PTPN2: variants seen among roughly 807,000 people sequenced by gnomAD.
The protein encoded by PTPN2 is protein tyrosine phosphatase non-receptor type 2.
In PTPN2, 19 loss-of-function variants were observed where a neutral mutation model predicts 57.3. That is an observed-to-expected ratio of 0.33 (90% CI 0.23 to 0.49). PTPN2 has a LOEUF of 0.49. Ranked by LOEUF, PTPN2 falls within the 20% of genes least tolerant of loss-of-function variation. PTPN2 has a pLI of 0.99. For synonymous variants in PTPN2, 153 were observed against 164.9 expected, an observed-to-expected ratio of 0.93 and a Z score of 0.55; for missense variants, 358 against 501.1, an observed-to-expected ratio of 0.71 and a Z score of 2.73.
Position 12,794,148 on chromosome 18 carries a change from A to T in PTPN2, c.*130T>A. 6.8e-7 allele frequency: 1 copy of T among 1,481,284 alleles called. No individual in the cohort carries two copies. Among genetic ancestry groups the T allele is most frequent in the East Asian group, 2.4e-5 (1 of 42,286 alleles). 91.8% of individuals were successfully genotyped at this position (1,481,284 alleles called of 1,614,324 possible). A position where few individuals can be genotyped will look rare whatever the true frequency, so the allele number is the denominator to read the frequency against. On this transcript the variant is annotated 3_prime_UTR_variant, in exon 9 of 9. Coordinates refer to ENST00000309660, the MANE Select transcript of PTPN2 (RefSeq NM_002828.4). ...TGTTGGGCTTGTGACTGTAAATATC[A>T]CTTATCTGGTTGATGTCTATTCTAC...
At chr18:12,873,176 G>A (rs567179283) in intron 1 of PTPN2, among the ~76,000 whole-genome samples, 44 of 151,494 alleles carry the variant, frequency 2.9e-4, no homozygotes, top group African/African-American at 1.1e-3. Flanking sequence ...AGCCAAGATC[G>A]TGCCACTGCA....
chr18:12,791,242 A>G (rs1241119686), downstream of PTPN2, among the ~76,000 whole-genome samples: 1 of 152,226 alleles, frequency 6.6e-6, no homozygotes, highest in Non-Finnish European at 1.5e-5. Context: ...GTTGCTGTCA[A>G]TCTATTAGCA....
At chr18:12,844,040 C>G (rs114470826) in intron 2 of PTPN2, 1 of 152,336 alleles carries the variant, frequency 6.6e-6, no homozygotes, top group South Asian at 2.1e-4. Flanking sequence ...GAATCATGTA[C>G]TATGTCATCA....
chr18:12,852,646 G>A (rs929436651), intron 2 of PTPN2, among the ~76,000 whole-genome samples: 7 of 152,138 alleles, frequency 4.6e-5, no homozygotes, highest in African/African-American at 9.7e-5. Flanking sequence ...CTCCCAAAGC[G>A]TTGGGACTAC....
intron 2 of PTPN2, among the ~76,000 whole-genome samples, chr18:12,858,538 A>G (rs1244684246): frequency 1.0e-5 from 1 of 95,248 alleles, no homozygotes; most frequent in East Asian, 3.0e-4. Flanking sequence ...AGCCACTGTC[A>G]AAGCAATTAA....
At chr18:12,798,759 T>C (rs2041290832) in intron 8 of PTPN2, among the ~76,000 whole-genome samples, 1 of 152,190 alleles carries the variant, frequency 6.6e-6, no homozygotes, top group Admixed American at 6.5e-5. Context: ...TTATATTCTT[T>C]TGGGTGTATA....
At chr18:12,829,290 CG>C (rs1381624379) in intron 4 of PTPN2, among the ~76,000 whole-genome samples, 1 of 152,004 alleles carries the variant, frequency 6.6e-6, no homozygotes, top group Non-Finnish European at 1.5e-5. Context: ...CCGAGGTGGG[CG>C]TATCACTTGA....
In PTPN2 at chr18:12,805,131, T is replaced by G. The variant is rs114188113; in HGVS notation, c.859-2980A>C. On this transcript the variant is annotated intron_variant, in intron 7 of 8. Transcript: ENST00000309660. ...ATCAAGGACAAGAACCATATGATCA[T>G]TTCAACAGATGCAGAAAAACCATTT... is the stretch of plus-strand genomic sequence containing the variant. Among the ~76,000 whole-genome samples, 648 of 152,294 alleles carry G rather than the reference T, an allele frequency of 4.3e-3. 3 individuals are homozygous for G. The highest frequency in any genetic ancestry group is 0.015 in the African/African-American group (633 of 41,566).
At position 12,814,248 on chromosome 18, in the gene PTPN2, A is replaced by G; in HGVS notation, c.813T>C (p.Ala271=). ...TPDQLRFSYM[A]IIEGAKCIKG... ...TTATACATTTTGCTCCTTCTATTAT[A>G]GCCATGTATGAGAATCTCAGTTGAT... The change falls in exon 7 of 9, where the codon GCT becomes GCC. Residue 271 remains alanine, a synonymous_variant. Transcript: ENST00000309660. The G allele has an allele frequency of 6.2e-7, 1 of 1,606,602 alleles. No homozygotes were observed. Among genetic ancestry groups the G allele is most frequent in the South Asian group, 1.1e-5 (1 of 90,450 alleles).
intron 7 of PTPN2, among the ~76,000 whole-genome samples, chr18:12,805,847 C>T (rs185147544): frequency 4.6e-3 from 706 of 152,156 alleles, no homozygotes; most frequent in South Asian, 8.1e-3. Flanking sequence ...CCAGGGTGGT[C>T]TCAATCTCTT....
chr18:12,814,685 A>AT (rs969129612), intron 6 of PTPN2, among the ~76,000 whole-genome samples: 17 of 148,436 alleles, frequency 1.1e-4, no homozygotes, highest in Non-Finnish European at 1.5e-4. Flanking sequence ...TATAAGGACT[A>AT]TTTTTTTTTT....
At chr18:12,825,327 G>A (rs2042411343) in intron 5 of PTPN2, among the ~76,000 whole-genome samples, 2 of 152,082 alleles carry the variant, frequency 1.3e-5, no homozygotes, top group South Asian at 4.2e-4. Context: ...GCAGTCACAG[G>A]TCCTGGGAGC....
At chr18:12,835,025 A>G (rs2081886210) in intron 3 of PTPN2, among the ~76,000 whole-genome samples, 1 of 152,186 alleles carries the variant, frequency 6.6e-6, no homozygotes, top group South Asian at 2.1e-4. Flanking sequence ...AGCCCTCTGT[A>G]TGCATGGATT....
At chr18:12,855,495 G>T (rs527317870) in intron 2 of PTPN2, among the ~76,000 whole-genome samples, 103 of 152,242 alleles carry the variant, frequency 6.8e-4, no homozygotes, top group African/African-American at 2.4e-3. Context: ...GAAGGATAGG[G>T]GCAAAAGAAA....
intron 8 of PTPN2, among the ~76,000 whole-genome samples, chr18:12,795,398 ATTC>A (rs540724623): frequency 6.6e-6 from 1 of 152,252 alleles, no homozygotes; most frequent in Admixed American, 6.5e-5. Context: ...GGTTCAAGCA[ATTC>A]TTCTGCCTCA....
At chr18:12,804,702 GAAC>G (rs2041577255) in intron 7 of PTPN2, among the ~76,000 whole-genome samples, 1 of 152,100 alleles carries the variant, frequency 6.6e-6, no homozygotes. Context: ...TAGAAAACCT[GAAC>G]TGACCAATAA....
At chr18:12,809,038 T>TA (rs1457086478) in intron 7 of PTPN2, among the ~76,000 whole-genome samples, 2 of 152,146 alleles carry the variant, frequency 1.3e-5, no homozygotes, top group Admixed American at 6.5e-5. Context: ...CTTGTGATGC[T>TA]AAAGGACTTT....
At chr18:12,821,188 C>G (rs1198022539) in intron 5 of PTPN2, 1 of 151,644 alleles carries the variant, frequency 6.6e-6, no homozygotes, top group East Asian at 1.9e-4. Context: ...CCAGTTCTGT[C>G]ATCTGTAAAT....
At position 12,813,749 on chromosome 18, in the gene PTPN2, A is replaced by C. The variant is rs529966145; in HGVS notation, c.858+454T>G. ...CTTAGGTTCTACAAATATGCAGTAAAAATAGCTTAATGAGAATAAAGCCAC... is the reference window on the plus strand; with the variant it reads ...CTTAGGTTCTACAAATATGCAGTAACAATAGCTTAATGAGAATAAAGCCAC... On this transcript the variant is annotated intron_variant, in intron 7 of 8. Coordinates refer to ENST00000309660, the MANE Select transcript of PTPN2 (RefSeq NM_002828.4). 1.0e-3 allele frequency among the ~76,000 whole-genome samples: 154 copies of C among 152,328 alleles called. 4 individuals carry two copies. Among genetic ancestry groups the C allele is most frequent in the Non-Finnish European group, 2.6e-4 (18 of 68,020 alleles).
Sources: allele counts gnomAD v4.1 joint callset (sites outside exome capture counted in the v4.1 genomes callset), GRCh38; gene constraint gnomAD v4.1.1; transcripts MANE v1.5; gene names NCBI Gene and HGNC (gene_info 2026-07-23, HGNC 2026-07-21).